Variants in TAB2 observed in about 807,000 individuals in gnomAD.
TAB2 encodes TGF-beta-activated kinase 1 and MAP3K7-binding protein 2.
In TAB2, 3 loss-of-function variants were observed where a neutral mutation model predicts 65.0. That is an observed-to-expected ratio of 0.05 (90% CI 0.02 to 0.12). TAB2 has a LOEUF of 0.12. Ranked by LOEUF, TAB2 falls within the 10% of genes least tolerant of loss-of-function variation. TAB2 has a pLI of 1.00. For synonymous variants in TAB2, 298 were observed against 285.1 expected (o/e 1.05, Z -0.46); for missense variants, 623 against 840.3 (o/e 0.74, Z 3.20).
chr6:149,359,852 C>G (rs1780786570), intron 1 of TAB2, among the ~76,000 whole-genome samples: 1 of 152,180 alleles, frequency 6.6e-6, no homozygotes, highest in Admixed American at 6.5e-5. Flanking sequence ...AGAAGAGGTT[C>G]TGAACTAGCT....
At chr6:149,255,958 A>C (rs748932052) in intron 1 of TAB2, among the ~76,000 whole-genome samples, 25 of 152,324 alleles carry the variant, frequency 1.6e-4, no homozygotes, top group Non-Finnish European at 3.1e-4. Context: ...AAAAAGAGAG[A>C]GCATGTCATG....
chr6:149,381,999 C>G (rs562736135), intron 3 of TAB2, among the ~76,000 whole-genome samples: 2 of 152,154 alleles, frequency 1.3e-5, no homozygotes, highest in Non-Finnish European at 2.9e-5. Context: ...ACTCAGCATC[C>G]AGGGAGATAC....
At chr6:149,379,567 G>A in intron 3 of TAB2, 49 bp downstream of exon 3, 1 of 1,571,456 alleles carries the variant, frequency 6.4e-7, no homozygotes, top group African/African-American at 1.3e-5. Flanking sequence ...GGGCTTGTTG[G>A]TGTGCATTTG....
intron 2 of TAB2, among the ~76,000 whole-genome samples, chr6:149,377,070 A>C (rs9498340): frequency 2.2e-5 from 2 of 89,902 alleles, no homozygotes; most frequent in Non-Finnish European, 5.1e-5. Context: ...AATGTAACTT[A>C]TTTTTTTTTT....
At chr6:149,337,193 AC>A (rs1266479326) in intron 1 of TAB2, among the ~76,000 whole-genome samples, 1 of 151,598 alleles carries the variant, frequency 6.6e-6, no homozygotes, top group Non-Finnish European at 1.5e-5. Flanking sequence ...TGAATATATC[AC>A]ATACAAGGTT....
chr6:149,268,053 T>C (rs1488813836), intron 1 of TAB2, among the ~76,000 whole-genome samples: 1 of 152,220 alleles, frequency 6.6e-6, no homozygotes, highest in Non-Finnish European at 1.5e-5. Flanking sequence ...TAATACCTCT[T>C]AGCCAATGTA....
chr6:149,403,413 A>G (rs1210290948), intron 6 of TAB2, among the ~76,000 whole-genome samples: 2 of 150,160 alleles, frequency 1.3e-5, no homozygotes, highest in Non-Finnish European at 3.0e-5. Flanking sequence ...TAAAGGCCAT[A>G]TATAAAAACC....
intron 3 of TAB2, among the ~76,000 whole-genome samples, chr6:149,393,159 G>A (rs375006596): frequency 6.6e-5 from 10 of 152,114 alleles, no homozygotes; most frequent in African/African-American, 1.9e-4. Context: ...TATATTCATA[G>A]CATTTTTAGT....
chr6:149,224,640 C>T (rs952094279), intron 1 of TAB2, among the ~76,000 whole-genome samples: 1 of 152,170 alleles, frequency 6.6e-6, no homozygotes, highest in Middle Eastern at 3.2e-3. Context: ...GGAAGAGTGC[C>T]AGCCCACAGT....
At chr6:149,400,816 C>T in intron 6 of TAB2, 2 of 984,874 alleles carry the variant, frequency 2.0e-6, no homozygotes, top group African/African-American at 1.6e-5. Context: ...TTTTGTTTCC[C>T]CCTTCCACAT....
chr6:149,317,755 C>A lies in TAB2; in HGVS notation c.-350C>A. Reference sequence around the variant, plus strand: ...CAGCCGCCGGCGGGGCGACCCAGCCCGACCCCCTCCCCTCCCCCTCAGCCA... The same window carrying A: ...CAGCCGCCGGCGGGGCGACCCAGCCAGACCCCCTCCCCTCCCCCTCAGCCA... On this transcript the variant is annotated 5_prime_UTR_variant, in exon 1 of 7. Transcript: ENST00000637181. This position sits in a 1 kb window ranked among gnomAD's most constrained non-coding sequence, Gnocchi z 4.7. 1 of 161,704 alleles carries A rather than the reference C, an allele frequency of 6.2e-6. No homozygotes were observed. The highest frequency in any genetic ancestry group is 1.3e-5 in the Non-Finnish European group (1 of 74,156). The allele number at this position is 161,704 out of a possible 1,614,324, so 10.0% of individuals were successfully genotyped here.
In TAB2 at chr6:149,379,398, G is replaced by C. The variant is rs745765453; in HGVS notation, c.1483G>C (p.Asp495His). 1 of 1,614,118 alleles carries C rather than the reference G, an allele frequency of 6.2e-7. No individual in the cohort carries two copies. Among genetic ancestry groups the C allele is most frequent in the Admixed American group, 1.7e-5 (1 of 60,022 alleles). Residue 495 changes from aspartate (D) to histidine (H), a missense_variant, in exon 3 of 7, where the codon GAT becomes CAT. Coordinates refer to ENST00000637181, the MANE Select transcript of TAB2 (RefSeq NM_001292034.3). ...ACTTACAAATCTTCTTAATCATCCT[G>C]ATCATTATGTAGAAACCGAGAATAT... ...FELTNLLNHP[D>H]HYVETENIQH... is the part of the protein sequence containing the mutation.
intron 1 of TAB2, among the ~76,000 whole-genome samples, chr6:149,360,731 T>C (rs915271619): frequency 6.6e-6 from 1 of 152,156 alleles, no homozygotes; most frequent in African/African-American, 2.4e-5. Context: ...CACTCAAAAG[T>C]CCAAAGTATC....
intron 1 of TAB2, among the ~76,000 whole-genome samples, chr6:149,233,290 C>T (rs1437253900): frequency 6.6e-6 from 1 of 152,186 alleles, no homozygotes. Context: ...AAACCTCCCT[C>T]CGCTCAGTGT....
At chr6:149,336,589 C>T (rs769045849) in intron 1 of TAB2, among the ~76,000 whole-genome samples, 1 of 152,114 alleles carries the variant, frequency 6.6e-6, no homozygotes, top group Non-Finnish European at 1.5e-5. Context: ...CATTGACCTA[C>T]AGCTACATTA....
At chr6:149,377,324 G>T (rs1442689863) in intron 2 of TAB2, among the ~76,000 whole-genome samples, 1 of 151,244 alleles carries the variant, frequency 6.6e-6, no homozygotes, top group Admixed American at 6.6e-5. Flanking sequence ...CTCCCAAAGT[G>T]CTGGGATTAC....
rs767785965 is a variant in TAB2, at chr6:149,267,613, AG to A, written c.-121+48839del. The stretch of plus-strand genomic sequence containing the variant: ...CAAACAGCAAGAACTCATTGCAGTC[AG>A]GTGTCACTAACAACAGGGTTATGCT... On this transcript the variant is annotated intron_variant, in intron 1 of 1. Transcript: ENST00000606202. Among the ~76,000 whole-genome samples, 22 of 152,294 alleles carry A rather than the reference AG, an allele frequency of 1.4e-4. No homozygotes were observed. The South Asian group carries it at 2.7e-3, about 19-fold the overall frequency.
intron 1 of TAB2, among the ~76,000 whole-genome samples, chr6:149,353,338 A>T (rs1056877735): frequency 6.6e-6 from 1 of 152,160 alleles, no homozygotes; most frequent in East Asian, 1.9e-4. Flanking sequence ...TATAATACAG[A>T]ATTCAACAAG....
chr6:149,283,689 G>A (rs1397181934), intron 1 of TAB2, among the ~76,000 whole-genome samples: 1 of 152,014 alleles, frequency 6.6e-6, no homozygotes, highest in Non-Finnish European at 1.5e-5. Context: ...CAGCCCAGGC[G>A]ACAAGAGAGA....
Sources: gnomAD v4.1 joint callset for allele counts (sites outside exome capture counted in the v4.1 genomes callset) on GRCh38, gnomAD v4.1.1 for gene constraint, Gnocchi (gnomAD v3.1) non-coding constraint, MANE v1.5 for transcripts, NCBI Gene and HGNC (gene_info 2026-07-23, HGNC 2026-07-21) for gene names.